The following SH3RF3 variants were observed in gnomAD, a reference collection of about 807,000 sequenced individuals.
SH3RF3 encodes the protein E3 ubiquitin-protein ligase SH3RF3.
A neutral mutation model predicts 66.3 loss-of-function variants in SH3RF3; 29 were observed. That is an observed-to-expected ratio of 0.44 (90% CI 0.33 to 0.60). The LOEUF is 0.60. Ranked by LOEUF, SH3RF3 falls within the 20% of genes least tolerant of loss-of-function variation. The pLI is 0.04. For missense variants in SH3RF3, 1,194 were observed against 1,190.9 expected (o/e 1.00, Z -0.04); for synonymous variants, 583 against 532.0 (o/e 1.10, Z -1.32).
chr2:109,170,092 A>G (rs1245767704), intron 1 of SH3RF3, among the ~76,000 whole-genome samples: 47 of 152,302 alleles, frequency 3.1e-4, no homozygotes. Context: ...AGAAACTATA[A>G]TCTCTACAAG....
intron 1 of SH3RF3, among the ~76,000 whole-genome samples, chr2:109,154,081 G>A (rs746288331): frequency 6.6e-5 from 10 of 152,216 alleles, no homozygotes; most frequent in Non-Finnish European, 1.2e-4. Flanking sequence ...TATGAACACT[G>A]TCAATATGCT....
chr2:109,459,298 AT>A (rs1476291608), intron 8 of SH3RF3, among the ~76,000 whole-genome samples: 2 of 152,122 alleles, frequency 1.3e-5, no homozygotes, highest in African/African-American at 4.8e-5. Context: ...TACAATCCTC[AT>A]TTCTGTAGCT....
intron 1 of SH3RF3, among the ~76,000 whole-genome samples, chr2:109,149,287 G>C (rs532569993): frequency 6.6e-6 from 1 of 152,336 alleles, no homozygotes; most frequent in Non-Finnish European, 1.5e-5. Context: ...TTCTCTGGGA[G>C]ATCCATTGGC....
At chr2:109,383,415 T>A (rs1490813827) in intron 3 of SH3RF3, among the ~76,000 whole-genome samples, 1 of 152,214 alleles carries the variant, frequency 6.6e-6, no homozygotes, top group African/African-American at 2.4e-5. Context: ...CCCTTAGTTC[T>A]AAGACTTGGC....
At position 109,215,562 on chromosome 2, in the gene SH3RF3, G is replaced by A. The variant is rs554921780; in HGVS notation, c.573+85449G>A. 9.9e-4 allele frequency among the ~76,000 whole-genome samples: 150 copies of A among 152,256 alleles called. 1 individual carries two copies. The highest frequency in any genetic ancestry group is 3.4e-3 in the Middle Eastern group (1 of 294). ...GTGGGTTCCTCTCGGGAGAGCCCCT[G>A]TCTGATGTAGTTTTTTGCCTGTGAT... is the stretch of plus-strand genomic sequence containing the variant. On this transcript the variant is annotated intron_variant, in intron 1 of 9. Coordinates refer to ENST00000309415, the MANE Select transcript of SH3RF3 (RefSeq NM_001099289.3).
intron 3 of SH3RF3, among the ~76,000 whole-genome samples, chr2:109,384,506 T>TG: frequency 6.6e-6 from 1 of 151,148 alleles, no homozygotes; most frequent in Admixed American, 6.6e-5. Context: ...GGAGAGGGGT[T>TG]GGGGTCAGAG....
intron 2 of SH3RF3, among the ~76,000 whole-genome samples, chr2:109,349,621 A>G (rs865787523): frequency 1.2e-4 from 18 of 152,122 alleles, no homozygotes; most frequent in Non-Finnish European, 2.6e-4. Context: ...AGACCCCATA[A>G]TGGCTCTAGG....
intron 1 of SH3RF3, among the ~76,000 whole-genome samples, chr2:109,307,100 TTC>T (rs1490013976): frequency 6.6e-6 from 1 of 152,224 alleles, no homozygotes; most frequent in South Asian, 2.1e-4. Flanking sequence ...CATTCTTTAT[TTC>T]TCTCTTACAG....
chr2:109,405,771 A>G (rs560517289), intron 4 of SH3RF3, among the ~76,000 whole-genome samples: 2 of 152,184 alleles, frequency 1.3e-5, no homozygotes, highest in African/African-American at 2.4e-5. Context: ...CAGTGTGCCC[A>G]TGATGGAATA....
At chr2:109,489,926 C>G (rs981410365) in intron 8 of SH3RF3, among the ~76,000 whole-genome samples, 1 of 152,134 alleles carries the variant, frequency 6.6e-6, no homozygotes, top group African/African-American at 2.4e-5. Flanking sequence ...TTAGTAGAGA[C>G]AGGGTTTCAC....
intron 3 of SH3RF3, among the ~76,000 whole-genome samples, chr2:109,391,293 C>G (rs560288572): frequency 1.3e-5 from 2 of 152,342 alleles, no homozygotes; most frequent in African/African-American, 4.8e-5. Flanking sequence ...AGCAGCCTGA[C>G]CTGTATGCTT....
In SH3RF3 at chr2:109,347,786, A is replaced by C; in HGVS notation, c.686A>C (p.Glu229Ala). ...DIIVLRRKVD[E>A]QWYHGELHGT... ...ATCGTCCTGCGGCGCAAGGTGGATG[A>C]ACAGTGGTACCACGGCGAGCTGCAC... The change falls in exon 2 of 10, where the codon GAA becomes GCA. Residue 229 changes from glutamate (E) to alanine (A), a missense_variant. Physicochemically the swap from Glu to Ala is moderately radical, Grantham distance 107. Transcript: ENST00000309415. 6.2e-7 allele frequency: 1 copy of C among 1,614,002 alleles called. No homozygotes were observed. The highest frequency in any genetic ancestry group is 1.7e-5 in the Admixed American group (1 of 60,032).
chr2:109,265,549 C>T lies in SH3RF3; in HGVS notation c.574-82125C>T, dbSNP rs149054701. 7.4e-4 allele frequency among the ~76,000 whole-genome samples: 113 copies of T among 152,300 alleles called. 1 individual carries two copies. In the East Asian group the frequency reaches 0.02, roughly 27 times the overall value. ...CAGTATAGGCTGGGGTCCCTGCAAG[C>T]CCAGGTCTCCTTCAGGGCAGGTGTG... On this transcript the variant is annotated intron_variant, in intron 1 of 9. Coordinates refer to ENST00000309415, the MANE Select transcript of SH3RF3 (RefSeq NM_001099289.3).
chr2:109,282,414 G>T (rs1680916852), intron 1 of SH3RF3, among the ~76,000 whole-genome samples: 1 of 152,150 alleles, frequency 6.6e-6, no homozygotes, highest in Non-Finnish European at 1.5e-5. Context: ...AAGTAACTGG[G>T]AGAAGCTCTA....
chr2:109,180,897 A>G (rs1382039752), intron 1 of SH3RF3, among the ~76,000 whole-genome samples: 2 of 152,204 alleles, frequency 1.3e-5, no homozygotes, highest in African/African-American at 2.4e-5. Flanking sequence ...CTTGGAAGGG[A>G]CCACCCCATG....
At chr2:109,310,045 T>C (rs200943979) in intron 1 of SH3RF3, among the ~76,000 whole-genome samples, 1,223 of 118,018 alleles carry the variant, frequency 0.01, 168 homozygotes, top group East Asian at 0.05. Flanking sequence ...TACATTTTTT[T>C]CAGCACCACA....
At chr2:109,156,383 C>T (rs1010443696) in intron 1 of SH3RF3, among the ~76,000 whole-genome samples, 1 of 151,954 alleles carries the variant, frequency 6.6e-6, no homozygotes, top group African/African-American at 2.4e-5. Flanking sequence ...AGTATCCACT[C>T]GGGTGTTTGT....
At chr2:109,277,372 A>ATG (rs1024162293) in intron 1 of SH3RF3, among the ~76,000 whole-genome samples, 1 of 152,154 alleles carries the variant, frequency 6.6e-6, no homozygotes, top group African/African-American at 2.4e-5. Flanking sequence ...ACTGCTCTTT[A>ATG]TGTGACCCCG....
intron 8 of SH3RF3, among the ~76,000 whole-genome samples, chr2:109,455,493 C>G (rs1228060872): frequency 6.6e-6 from 1 of 151,464 alleles, no homozygotes; most frequent in Admixed American, 6.6e-5. Flanking sequence ...TGCACCCACC[C>G]ATTAAATATA....
Sources: gnomAD v4.1 joint callset for allele counts (sites outside exome capture counted in the v4.1 genomes callset) on GRCh38, gnomAD v4.1.1 for gene constraint, MANE v1.5 for transcripts, NCBI Gene and HGNC (gene_info 2026-07-23, HGNC 2026-07-21) for gene names.